Variants in MYOF observed in about 807,000 individuals in gnomAD.
MYOF encodes the protein myoferlin.
In MYOF, 244 loss-of-function variants were observed where a neutral mutation model predicts 284.2. The observed-to-expected ratio is 0.86, with a 90% CI of 0.77 to 0.95. The LOEUF is 0.95. MYOF is among the 40% of genes least tolerant of loss of function. The pLI is 0.00. For missense variants in MYOF, 2,496 were observed against 2,560.6 expected, an observed-to-expected ratio of 0.97 and a Z score of 0.54; for synonymous variants, 904 against 919.7, an observed-to-expected ratio of 0.98 and a Z score of 0.31.
intron 1 of MYOF, among the ~76,000 whole-genome samples, chr10:93,471,500 G>C (rs1019629085): frequency 6.6e-6 from 1 of 152,136 alleles, no homozygotes; most frequent in African/African-American, 2.4e-5. Context: ...CAGTGAAGAC[G>C]CATGGACCAT....
Position 93,351,697 on chromosome 10 carries a change from C to G in MYOF, c.3631G>C (p.Val1211Leu), listed in dbSNP as rs754485165. The stretch of plus-strand genomic sequence containing the variant: ...TCATTGTCAAAAAGTTCCATGATAA[C>G]TTTGGGTGGATTCTGTAGAACTGTT... Reference protein sequence around the residue: ...PQTVLQNPPKVIMELFDNDQV... With the variant: ...PQTVLQNPPKLIMELFDNDQV... Residue 1211 changes from valine (V) to leucine (L), a missense_variant, in exon 33 of 54, where the codon GTT (valine) becomes CTT (leucine). Physicochemically the swap from Val to Leu is conservative, Grantham distance 32 (BLOSUM62 1). Transcript: ENST00000359263. The G allele has an allele frequency of 8.8e-6, 14 of 1,589,666 alleles. No individual in the cohort carries two copies. The highest frequency in any genetic ancestry group is 1.0e-5 in the Non-Finnish European group (12 of 1,170,950).
At chr10:93,431,027 T>TC (rs1368824646) in intron 4 of MYOF, among the ~76,000 whole-genome samples, 1 of 148,604 alleles carries the variant, frequency 6.7e-6, no homozygotes. Flanking sequence ...TTCTTTTCTT[T>TC]TTTTTTTTTT....
At chr10:93,462,201 C>A (rs1189842966) in intron 1 of MYOF, among the ~76,000 whole-genome samples, 1 of 151,864 alleles carries the variant, frequency 6.6e-6, no homozygotes. Flanking sequence ...TCCTGAGTAG[C>A]TAGGATTACA....
chr10:93,365,306 CAAG>C (rs1845277710), intron 26 of MYOF, among the ~76,000 whole-genome samples: 1 of 152,210 alleles, frequency 6.6e-6, no homozygotes, highest in African/African-American at 2.4e-5. Context: ...CATAAGATGG[CAAG>C]AAGAGGGAAT....
In MYOF at chr10:93,351,498, G is replaced by C; in HGVS notation, c.3737C>G (p.Pro1246Arg). 1 of 1,614,186 alleles carries C rather than the reference G, an allele frequency of 6.2e-7. No homozygotes were observed. The highest frequency in any genetic ancestry group is 1.3e-5 in the African/African-American group (1 of 75,014). Residue 1246 changes from proline to arginine, a missense_variant, in exon 34 of 54, where the codon CCC (proline) becomes CGC (arginine). Physicochemically the swap from Pro to Arg is moderately radical, Grantham distance 103. This residue lies in a region of MYOF where 2,436 missense variants were observed against 2,480.7 expected (regional missense o/e 0.98). Coordinates refer to ENST00000359263, the MANE Select transcript of MYOF (RefSeq NM_013451.4). ...VKLNSEMDIT[P>R]KLLWHPVMNG... ...CATTACTGGGTGCCAGAGAAGTTTG[G>C]GTGTGATGTCCATTTCTGAGTTCAG...
chr10:93,429,927 C>T (rs1434159315), intron 4 of MYOF, among the ~76,000 whole-genome samples: 1 of 150,848 alleles, frequency 6.6e-6, no homozygotes, highest in East Asian at 1.9e-4. Context: ...TTAAGATGTA[C>T]TTATTTTTTT....
chr10:93,391,946 A>G (rs1186643256), intron 17 of MYOF, among the ~76,000 whole-genome samples: 2 of 152,114 alleles, frequency 1.3e-5, no homozygotes, highest in Non-Finnish European at 2.9e-5. Context: ...TTTCAGGGGG[A>G]GTGGCAGGAT....
At chr10:93,475,800 C>T (rs2057246600) in intron 1 of MYOF, among the ~76,000 whole-genome samples, 5 of 152,146 alleles carry the variant, frequency 3.3e-5, no homozygotes, top group Admixed American at 3.3e-4. Flanking sequence ...AAGCTGAGGG[C>T]ACGCAGGTGA....
At chr10:93,466,830 C>T (rs927271275) in intron 1 of MYOF, among the ~76,000 whole-genome samples, 14 of 152,150 alleles carry the variant, frequency 9.2e-5, no homozygotes, top group African/African-American at 2.9e-4. Flanking sequence ...AAAAATTAGC[C>T]TGGCATGGTG....
At chr10:93,395,101 A>G (rs1232060483) in intron 16 of MYOF, among the ~76,000 whole-genome samples, 1 of 152,140 alleles carries the variant, frequency 6.6e-6, no homozygotes, top group African/African-American at 2.4e-5. Flanking sequence ...TAATCTCTCA[A>G]TATATTTAAT....
chr10:93,456,012 G>C (rs11596019), intron 2 of MYOF, among the ~76,000 whole-genome samples: 22,189 of 152,118 alleles, frequency 0.15, 1,708 homozygotes, highest in Middle Eastern at 0.2. Context: ...TTCTAAAATA[G>C]ATATAAGGTC....
At chr10:93,397,802 A>G (rs1589502772) in intron 13 of MYOF, among the ~76,000 whole-genome samples, 1 of 151,848 alleles carries the variant, frequency 6.6e-6, no homozygotes, top group African/African-American at 2.4e-5. Context: ...AGATCTTTTG[A>G]CCCTGCCCGC....
intron 32 of MYOF, among the ~76,000 whole-genome samples, chr10:93,353,244 C>T (rs1844611754): frequency 6.6e-6 from 1 of 152,024 alleles, no homozygotes; most frequent in Non-Finnish European, 1.5e-5. Flanking sequence ...TGTCCCTTGC[C>T]AATAGCCTTC....
At chr10:93,361,639 T>G in intron 27 of MYOF, 82 bp from the exon 28 acceptor site, 2 of 1,269,110 alleles carry the variant, frequency 1.6e-6, no homozygotes, top group South Asian at 2.6e-5. Context: ...TAGTTCCTCA[T>G]TTAACTATGG....
intron 3 of MYOF, among the ~76,000 whole-genome samples, chr10:93,440,421 A>T (rs11187427): frequency 1.5e-4 from 23 of 151,840 alleles, no homozygotes; most frequent in South Asian, 2.1e-4. Context: ...GAAAAAAAAA[A>T]CCCCCAAAAC....
intron 45 of MYOF, 80 bp downstream of exon 45, chr10:93,328,683 C>T: frequency 7.0e-7 from 1 of 1,430,380 alleles, no homozygotes; most frequent in Non-Finnish European, 9.6e-7. Context: ...CTGGCTCTGT[C>T]TATTCACTCC....
At chr10:93,439,853 C>T (rs1205378156) in intron 3 of MYOF, among the ~76,000 whole-genome samples, 1 of 152,134 alleles carries the variant, frequency 6.6e-6, no homozygotes, top group Non-Finnish European at 1.5e-5. Flanking sequence ...GGCAGGTGGG[C>T]ATGAATGAAT....
Position 93,408,967 on chromosome 10 carries a change from C to G in MYOF, c.601-52G>C, listed in dbSNP as rs748283173. On this transcript the variant is annotated intron_variant, in intron 6 of 53. Coordinates refer to ENST00000359263, the MANE Select transcript of MYOF (RefSeq NM_013451.4). ...CCAACCTTTCCCAGCACGTGGGATC[C>G]TTAGGATCCTCAGGTGTTGCTTCAT... 4 of 1,608,980 alleles carry G rather than the reference C, an allele frequency of 2.5e-6. No individual in the cohort carries two copies. The South Asian group carries it at 4.4e-5, about 18-fold the overall frequency.
chr10:93,385,884 G>T (rs1846341267), intron 19 of MYOF, among the ~76,000 whole-genome samples: 1 of 150,066 alleles, frequency 6.7e-6, no homozygotes, highest in African/African-American at 2.5e-5. Flanking sequence ...AATGAAATAA[G>T]CTTCTTTGCC....
Sources: allele counts gnomAD v4.1 joint callset (sites outside exome capture counted in the v4.1 genomes callset), GRCh38; gene constraint gnomAD v4.1.1; regional missense constraint gnomAD v4.1.1; transcripts MANE v1.5; gene names NCBI Gene and HGNC (gene_info 2026-07-23, HGNC 2026-07-21).